Variants in RECQL4 observed in about 807,000 individuals in gnomAD.
RECQL4 encodes RecQ like helicase 4, also known as ATP-dependent DNA helicase Q4.
In RECQL4, 158 loss-of-function variants were observed where a neutral mutation model predicts 128.6. The ratio of observed to expected loss-of-function variants is 1.23; its 90% CI spans 1.08 to 1.40. The LOEUF (loss-of-function observed/expected upper bound fraction) is 1.40, where lower values mean the gene tolerates loss of function less well. RECQL4 is among the 40% of genes most tolerant of loss of function. The pLI, the probability that RECQL4 is intolerant of heterozygous loss-of-function variation, is 0.00. For synonymous variants in RECQL4, 996 were observed against 678.9 expected (o/e 1.47, Z -7.26); for missense variants, 2,293 against 1,649.8 (o/e 1.39, Z -6.75).
Position 144,512,980 on chromosome 8 carries a change from C to G in RECQL4, c.2622G>C (p.Val874=). The G allele has an allele frequency of 6.4e-7, 1 of 1,570,188 alleles. No homozygotes were observed. Among genetic ancestry groups the G allele is most frequent in the Non-Finnish European group, 8.6e-7 (1 of 1,158,138 alleles). ...QEGAVGGERP[V]PKYPPQEAEQ... ...CAGCCTCTTGAGGGGGGTACTTGGG[C>G]ACAGGCCTCTCCCCACCCACGGCCC... Residue 874 remains valine (V), a synonymous_variant, in exon 15 of 21, where the codon GTG becomes GTC. Transcript: ENST00000617875.
At chr8:144,511,652 T>C in intron 20 of RECQL4, 29 bp downstream of exon 20, 1 of 1,607,756 alleles carries the variant, frequency 6.2e-7, no homozygotes, top group Non-Finnish European at 8.5e-7. Context: ...AGCCCCAGCC[T>C]GCAGCGGGTG....
In RECQL4 at chr8:144,515,979, C is replaced by G. The variant is rs373765596; in HGVS notation, c.1131+9G>C. On this transcript the variant is annotated intron_variant, in intron 5 of 20. Transcript: ENST00000617875. The stretch of plus-strand genomic sequence containing the variant: ...AGGGAATGCCTGTCCTGGCCCGTCG[C>G]TGTCTTACCTGCTTGCGGAGGAGCC... 8.7e-6 allele frequency: 14 copies of G among 1,609,650 alleles called. No homozygotes were observed. Among genetic ancestry groups the G allele is most frequent in the Non-Finnish European group, 1.0e-5 (12 of 1,177,452 alleles).
At position 144,513,647 on chromosome 8, in the gene RECQL4, G is replaced by C. The variant is rs749266091; in HGVS notation, c.2124C>G (p.Asn708Lys). The C allele has an allele frequency of 2.5e-6, 4 of 1,580,560 alleles. No homozygotes were observed. Among genetic ancestry groups the C allele is most frequent in the Non-Finnish European group, 3.4e-6 (4 of 1,163,788 alleles). The change falls in exon 13 of 21, where the codon AAC (asparagine) becomes AAG (lysine). Residue 708 changes from asparagine (N) to lysine (K), a missense_variant. Transcript: ENST00000617875. ...CGATCCGCTCTGTGTCCTCGCGCCG[G>C]TTGCAGTAAATGATAATGGAATCGA... is the stretch of plus-strand genomic sequence containing the variant. ...QNLDSIIIYC[N>K]RREDTERIAA...
At position 144,511,897 on chromosome 8, in the gene RECQL4, C is replaced by CT. The variant is rs1206314292; in HGVS notation, c.3393+13dup. The stretch of plus-strand genomic sequence containing the variant: ...CTGCAACCCCGATGAGCTGCCTGGC[C>CT]TTACTGCACTCACTCTGGCCTGCCC... On this transcript the variant is annotated intron_variant, in intron 19 of 20. Transcript: ENST00000617875. 6.2e-7 allele frequency: 1 copy of CT among 1,610,184 alleles called. No individual in the cohort carries two copies. The highest frequency in any genetic ancestry group is 8.5e-7 in the Non-Finnish European group (1 of 1,179,532).
In RECQL4 at chr8:144,511,692, A is replaced by T; in HGVS notation, c.3491T>A (p.Phe1164Tyr). Residue 1164 changes from phenylalanine to tyrosine, a missense_variant, in exon 20 of 21, where the codon TTC becomes TAC. Physicochemically the swap from Phe to Tyr is conservative, Grantham distance 22. Coordinates refer to ENST00000617875, the MANE Select transcript of RECQL4 (RefSeq NM_004260.4). Reference sequence around the variant, plus strand: ...CTCCCAGGCCTCACCGATGCCGTGGAAGATGCGGGCCACAGCCCTGCTGGA... The same window carrying T: ...CTCCCAGGCCTCACCGATGCCGTGGTAGATGCGGGCCACAGCCCTGCTGGA... The part of the protein sequence containing the change: ...KFSSRAVARI[F>Y]HGIGSPCYPA... 6.2e-7 allele frequency: 1 copy of T among 1,612,436 alleles called. No homozygotes were observed. Among genetic ancestry groups the T allele is most frequent in the Non-Finnish European group, 8.5e-7 (1 of 1,179,746 alleles).
chr8:144,511,470 C>T lies in RECQL4; in HGVS notation c.3588G>A (p.Val1196=). ...KYLHLSFHAL[V]GLATEELLQV... is the part of the protein sequence containing the mutation. ...GCAGGAGCTCTTCCGTGGCCAGGCC[C>T]ACCAGGGCATGGAAGCTCAGGTGCA... Residue 1196 remains valine (V), a synonymous_variant, in exon 21 of 21, where the codon GTG becomes GTA. Coordinates refer to ENST00000617875, the MANE Select transcript of RECQL4 (RefSeq NM_004260.4). The T allele has an allele frequency of 6.2e-7, 1 of 1,612,576 alleles. No homozygotes were observed. Among genetic ancestry groups the T allele is most frequent in the South Asian group, 1.1e-5 (1 of 91,092 alleles).
chr8:144,513,797 G>A (rs1260922170), intron 12 of RECQL4, 85 bp from the exon 13 acceptor site: 6 of 1,116,078 alleles, frequency 5.4e-6, no homozygotes, highest in African/African-American at 1.7e-5. Flanking sequence ...TCGGCGTGGG[G>A]AGTGAGGAGG....
Position 144,516,672 on chromosome 8 carries a change from G to C in RECQL4, c.447C>G (p.Pro149=), listed in dbSNP as rs377485079. Residue 149 remains proline (P), a synonymous_variant, in exon 5 of 21, where the codon CCC becomes CCG. Coordinates refer to ENST00000617875, the MANE Select transcript of RECQL4 (RefSeq NM_004260.4). ...CATCACTGACTTTTTCTGCAAAGGA[G>C]GGGACAGGCCCTGTACCTGGGGGCT... ...TPKPPGTGPV[P]SFAEKVSDEP... 1.3e-6 allele frequency: 2 copies of C among 1,596,640 alleles called. No individual in the cohort carries two copies. Among genetic ancestry groups the C allele is most frequent in the Admixed American group, 1.7e-5 (1 of 58,370 alleles).
rs1218791786 is a variant in RECQL4, at chr8:144,515,985, T to C, written c.1131+3A>G. On this transcript the variant is annotated splice_donor_region_variant and intron_variant, in intron 5 of 20. Transcript: ENST00000617875. Reference sequence around the variant, plus strand: ...TGCCTGTCCTGGCCCGTCGCTGTCTTACCTGCTTGCGGAGGAGCCTGCTAC... The same window carrying C: ...TGCCTGTCCTGGCCCGTCGCTGTCTCACCTGCTTGCGGAGGAGCCTGCTAC... 3.1e-6 allele frequency: 5 copies of C among 1,609,900 alleles called. No individual in the cohort carries two copies. The highest frequency in any genetic ancestry group is 1.7e-4 in the Middle Eastern group (1 of 6,054).
At chr8:144,515,519 C>T in intron 6 of RECQL4, 62 bp from the exon 7 acceptor site, 1 of 1,608,072 alleles carries the variant, frequency 6.2e-7, no homozygotes, top group African/African-American at 1.3e-5. Flanking sequence ...CCACTGGCCA[C>T]AACCTCTCCT....
chr8:144,515,714 G>A (rs773473607), intron 6 of RECQL4, 50 bp downstream of exon 6: 116 of 1,598,446 alleles, frequency 7.3e-5, no homozygotes, highest in Middle Eastern at 1.7e-4. Flanking sequence ...AGAGCACTGC[G>A]CCCTCTCCAC....
rs1339382948 is a variant in RECQL4 at position 144,514,478 on chromosome 8, G to A, written c.1668C>T (p.Gly556=). The change falls in exon 10 of 21, where the codon GGC becomes GGT. Residue 556 remains glycine (G), a synonymous_variant. Transcript: ENST00000617875. ...PCLKAACIHS[G]MTRKQRESVL... is the part of the protein sequence containing the mutation. ...CAGATTCCCGTTGCTTCCTGGTCAT[G>A]CCCGAGTGTATGCAGGCCGCCTTGA... 1 of 1,612,374 alleles carries A rather than the reference G, an allele frequency of 6.2e-7. No homozygotes were observed. Among genetic ancestry groups the A allele is most frequent in the South Asian group, 1.1e-5 (1 of 91,036 alleles).
rs35842750 is a variant in RECQL4 at position 144,514,991 on chromosome 8, C to T, written c.1565G>A (p.Arg522His). The change falls in exon 9 of 21, where the codon CGC (arginine) becomes CAC (histidine). Residue 522 changes from arginine (R) to histidine (H), a missense_variant. Coordinates refer to ENST00000617875, the MANE Select transcript of RECQL4 (RefSeq NM_004260.4). Reference sequence around the variant, plus strand: ...GACGACCAACGTGAGGCAGGGGCTGCGCCGGCTGTAGAGCAGCGCTGGGAG... The same window carrying T: ...GACGACCAACGTGAGGCAGGGGCTGTGCCGGCTGTAGAGCAGCGCTGGGAG... The part of the protein sequence containing the change: ...YQLPALLYSR[R>H]SPCLTLVVSP... The T allele has an allele frequency of 4.5e-3, 7,303 of 1,611,498 alleles. 202 individuals are homozygous for T. The African/African-American group carries it at 0.067, about 15-fold the overall frequency.
intron 8 of RECQL4, 23 bp downstream of exon 8, chr8:144,515,127 T>C (rs1827965538): frequency 6.4e-7 from 1 of 1,573,230 alleles, no homozygotes; most frequent in Admixed American, 1.9e-5. Flanking sequence ...CAGCCCAGCC[T>C]CAGCCCTGGC....
At position 144,516,632 on chromosome 8, in the gene RECQL4, G is replaced by T. The variant is rs1815067197; in HGVS notation, c.487C>A (p.Pro163Thr). The stretch of plus-strand genomic sequence containing the variant: ...CGGCCTGGCCTTGGCTGGGGCTCAG[G>T]GAGCTGTGGAGGCTCATCACTGACT... ...EKVSDEPPQLPEPQPRPGRLQ... is the reference protein window; with the variant it reads ...EKVSDEPPQLTEPQPRPGRLQ... The change falls in exon 5 of 21, where the codon CCT (proline) becomes ACT (threonine). Residue 163 changes from proline to threonine, a missense_variant. Transcript: ENST00000617875. The T allele has an allele frequency of 6.2e-7, 1 of 1,609,666 alleles. No individual in the cohort carries two copies. The highest frequency in any genetic ancestry group is 1.1e-5 in the South Asian group (1 of 90,906).
Position 144,513,048 on chromosome 8 carries a change from C to A in RECQL4, c.2554G>T (p.Ala852Ser), listed in dbSNP as rs1364427572. The part of the protein sequence containing the change: ...VKRLVQRVFP[A>S]CTCTCTRPPS... ...GGCCTGGTGCAGGTGCAGGTGCAGG[C>A]TGGGAACACGCGCTGTACCAGCCTC... The change falls in exon 15 of 21, where the codon GCC (alanine) becomes TCC (serine). Residue 852 changes from alanine (A) to serine (S), a missense_variant. Physicochemically the swap from Ala to Ser is moderately conservative, Grantham distance 99 (BLOSUM62 1). Transcript: ENST00000617875. The A allele has an allele frequency of 1.3e-6, 2 of 1,575,338 alleles. No homozygotes were observed. Among genetic ancestry groups the A allele is most frequent in the Admixed American group, 3.7e-5 (2 of 54,438 alleles).
chr8:144,515,830 T>G lies in RECQL4; in HGVS notation c.1192A>C (p.Thr398Pro), dbSNP rs765190572. ...ECFGGGGATV[T>P]TKESCFLNEQ... ...TTCAGGAAACAAGACTCCTTGGTTG[T>G]GACTGTGGCACCACCACCCCCAAAA... Residue 398 changes from threonine to proline, a missense_variant, in exon 6 of 21, where the codon ACA (threonine) becomes CCA (proline). Coordinates refer to ENST00000617875, the MANE Select transcript of RECQL4 (RefSeq NM_004260.4). The G allele has an allele frequency of 1.9e-6, 3 of 1,612,942 alleles. No homozygotes were observed. Among genetic ancestry groups the G allele is most frequent in the Non-Finnish European group, 1.7e-6 (2 of 1,179,816 alleles).
rs753427189 is a variant in RECQL4 at position 144,511,480 on chromosome 8, T to C, written c.3578A>G (p.His1193Arg). The change falls in exon 21 of 21, where the codon CAT becomes CGT. Residue 1193 changes from histidine to arginine, a missense_variant. Physicochemically the swap from His to Arg is conservative, Grantham distance 29 (BLOSUM62 0). Coordinates refer to ENST00000617875, the MANE Select transcript of RECQL4 (RefSeq NM_004260.4). ...FWRKYLHLSF[H>R]ALVGLATEEL... is the part of the protein sequence containing the mutation. ...TTCCGTGGCCAGGCCCACCAGGGCA[T>C]GGAAGCTCAGGTGCAGGTATTTTCT... The C allele has an allele frequency of 1.9e-6, 3 of 1,612,532 alleles. No homozygotes were observed. Among genetic ancestry groups the C allele is most frequent in the South Asian group, 1.1e-5 (1 of 91,088 alleles).
rs1163167976 is a variant in RECQL4 at position 144,517,149 on chromosome 8, A to G, written c.255T>C (p.Ala85=). The G allele has an allele frequency of 6.2e-7, 1 of 1,610,702 alleles. No individual in the cohort carries two copies. Among genetic ancestry groups the G allele is most frequent in the East Asian group, 2.2e-5 (1 of 44,870 alleles). Residue 85 remains alanine (A), a synonymous_variant, in exon 4 of 21, where the codon GCT becomes GCC. Transcript: ENST00000617875. ...GCGTAGACTGTGGACTCTTGGTCGC[A>G]GCCCGATTCAGATGGGGCCCCCAGC... ...PRCWGPHLNR[A]ATKSPQSTPG...
Sources: allele counts gnomAD v4.1 joint callset, GRCh38; gene constraint gnomAD v4.1.1; transcripts MANE v1.5; gene names NCBI Gene and HGNC (gene_info 2026-07-23, HGNC 2026-07-21).